TM9SF2: variants seen among roughly 807,000 people sequenced by gnomAD.
TM9SF2 encodes the protein transmembrane 9 superfamily member 2.
TM9SF2 carries 13 observed loss-of-function variants against 84.9 expected under a neutral mutation model. That is an observed-to-expected ratio of 0.15 (90% CI 0.10 to 0.24). The LOEUF is 0.24. TM9SF2 is among the 10% of genes least tolerant of loss of function. TM9SF2 has a pLI of 1.00. For synonymous variants in TM9SF2, 273 were observed against 285.8 expected (o/e 0.96, Z 0.45); for missense variants, 562 against 818.5 (o/e 0.69, Z 3.82).
chr13:99,536,554 CT>C, intron 4 of TM9SF2, 53 bp from the exon 5 acceptor site: 1 of 1,580,484 alleles, frequency 6.3e-7, no homozygotes, highest in Non-Finnish European at 8.6e-7. Context: ...GGCAGTAATT[CT>C]TTGTCATGTT....
rs1310259263 is a variant in TM9SF2 at position 99,541,562 on chromosome 13, T to C, written c.912T>C (p.Ile304=). Residue 304 remains isoleucine, a synonymous_variant, in exon 9 of 17, where the codon ATT becomes ATC. Transcript: ENST00000376387. ...CATGATGTGCTTATTTCTACAGCAT[T>C]ATGAATTCCCTGGTCATTGTTCTCT... ...MPHTHIQWFS[I]MNSLVIVLFL... 2 of 1,609,364 alleles carry C rather than the reference T, an allele frequency of 1.2e-6. No individual in the cohort carries two copies. Among genetic ancestry groups the C allele is most frequent in the African/African-American group, 2.7e-5 (2 of 74,756 alleles).
chr13:99,514,237 A>G (rs1480130649), intron 1 of TM9SF2: 1 of 152,246 alleles, frequency 6.6e-6, no homozygotes, highest in Non-Finnish European at 1.5e-5. Context: ...ACAGTTGTGT[A>G]CAGTAGTGTC....
chr13:99,553,139 C>T (rs1345889240), intron 13 of TM9SF2, among the ~76,000 whole-genome samples: 1 of 152,192 alleles, frequency 6.6e-6, no homozygotes, highest in East Asian at 1.9e-4. Context: ...AAAACAAAAA[C>T]GAGATCTTAT....
At chr13:99,541,810 A>G (rs574624246) in intron 9 of TM9SF2, 143 bp downstream of exon 9, 24 of 531,534 alleles carry the variant, frequency 4.5e-5, no homozygotes, top group African/African-American at 4.2e-4. Flanking sequence ...TCTTCTCAAA[A>G]GTTATCTTGA....
chr13:99,539,677 T>C (rs1340385678), intron 7 of TM9SF2, 120 bp downstream of exon 7: 1 of 678,534 alleles, frequency 1.5e-6, no homozygotes, highest in African/African-American at 1.8e-5. Context: ...TGAGCTGATT[T>C]TTAGGATAGT....
chr13:99,522,838 T>C (rs999918433), intron 3 of TM9SF2, among the ~76,000 whole-genome samples: 1 of 152,248 alleles, frequency 6.6e-6, no homozygotes, highest in Non-Finnish European at 1.5e-5. Context: ...CATTTCTGTT[T>C]CTGTGCAAGG....
chr13:99,542,044 G>T (rs959349175), intron 9 of TM9SF2, among the ~76,000 whole-genome samples: 2 of 151,900 alleles, frequency 1.3e-5, no homozygotes, highest in Non-Finnish European at 2.9e-5. Context: ...CAGCTACCTC[G>T]GGAGGCTGAG....
At chr13:99,541,062 A>T (rs1192989019) in intron 8 of TM9SF2, among the ~76,000 whole-genome samples, 1 of 152,260 alleles carries the variant, frequency 6.6e-6, no homozygotes, top group African/African-American at 2.4e-5. Flanking sequence ...TGTCTGGCAC[A>T]TAAGAGTGTT....
rs575848704 is a variant in TM9SF2, at chr13:99,509,038, T to A, written c.171+7261T>A. ...AAAAGTCCCAAGCCCAAGTCTCATT[T>A]GAGACAAGGAAAGTCCCTTCTACCT... On this transcript the variant is annotated intron_variant, in intron 1 of 16. Coordinates refer to ENST00000376387, the MANE Select transcript of TM9SF2 (RefSeq NM_004800.3). 2.0e-5 allele frequency among the ~76,000 whole-genome samples: 3 copies of A among 152,350 alleles called. No individual in the cohort carries two copies. The South Asian group carries it at 6.2e-4, about 32-fold the overall frequency.
chr13:99,540,495 CTT>C (rs201378003), intron 7 of TM9SF2: 3,992 of 140,842 alleles, frequency 0.028, 3 homozygotes, highest in East Asian at 0.05. Flanking sequence ...ACTAGGAATT[CTT>C]TTTTTTTTTT....
At chr13:99,510,008 T>A (rs1259679275) in intron 1 of TM9SF2, among the ~76,000 whole-genome samples, 2 of 152,224 alleles carry the variant, frequency 1.3e-5, no homozygotes. Context: ...CTTGAATACT[T>A]TGCTGCTTAA....
chr13:99,525,954 G>A (rs999812679), intron 3 of TM9SF2, among the ~76,000 whole-genome samples: 7 of 152,224 alleles, frequency 4.6e-5, no homozygotes, highest in Non-Finnish European at 1.0e-4. Context: ...AAGGATTGCC[G>A]TGGGTGTCCT....
At chr13:99,520,673 A>G (rs2046155549) in intron 3 of TM9SF2, among the ~76,000 whole-genome samples, 1 of 152,132 alleles carries the variant, frequency 6.6e-6, no homozygotes, top group African/African-American at 2.4e-5. Context: ...GGTTCAAGCA[A>G]TTCTCGTGCC....
At chr13:99,521,905 C>T (rs1245347926) in intron 3 of TM9SF2, among the ~76,000 whole-genome samples, 1 of 152,178 alleles carries the variant, frequency 6.6e-6, no homozygotes, top group Non-Finnish European at 1.5e-5. Flanking sequence ...CAGGGTCTCA[C>T]TCTGTTGCCC....
intron 12 of TM9SF2, among the ~76,000 whole-genome samples, chr13:99,550,457 C>G (rs1424288858): frequency 1.3e-5 from 2 of 152,210 alleles, no homozygotes; most frequent in African/African-American, 4.8e-5. Context: ...GGAATACCTT[C>G]TTGAAACTCC....
intron 3 of TM9SF2, among the ~76,000 whole-genome samples, chr13:99,524,034 G>C (rs540283355): frequency 6.6e-6 from 1 of 152,314 alleles, no homozygotes; most frequent in South Asian, 2.1e-4. Flanking sequence ...GAGCAGGTGA[G>C]CAAGATAGAG....
chr13:99,530,430 A>G (rs191829856), intron 4 of TM9SF2, among the ~76,000 whole-genome samples: 3 of 150,428 alleles, frequency 2.0e-5, no homozygotes, highest in Non-Finnish European at 4.4e-5. Flanking sequence ...TCTCAAAAAT[A>G]AAAAAAAAAG....
intron 12 of TM9SF2, 23 bp downstream of exon 12, chr13:99,549,245 A>G (rs1378717592): frequency 1.2e-6 from 2 of 1,603,306 alleles, no homozygotes; most frequent in Admixed American, 1.7e-5. Flanking sequence ...TTCAAGAATT[A>G]CTTTCTTAAC....
chr13:99,502,409 T>C (rs1207648395), intron 1 of TM9SF2, among the ~76,000 whole-genome samples: 1 of 152,174 alleles, frequency 6.6e-6, no homozygotes, highest in Non-Finnish European at 1.5e-5. Context: ...GCTGTAATGG[T>C]TGAGGCACTT....
Sources: gnomAD v4.1 joint callset for allele counts (sites outside exome capture counted in the v4.1 genomes callset) on GRCh38, gnomAD v4.1.1 for gene constraint, MANE v1.5 for transcripts, NCBI Gene and HGNC (gene_info 2026-07-23, HGNC 2026-07-21) for gene names.